MYO1B: variants seen among roughly 807,000 people sequenced by gnomAD.
MYO1B encodes myosin IB.
Under a neutral mutation model 159.7 loss-of-function variants are expected in MYO1B, and 72 were observed. That is an observed-to-expected ratio of 0.45 (90% confidence interval 0.37 to 0.55). The LOEUF (loss-of-function observed/expected upper bound fraction) is 0.55, where lower values mean the gene tolerates loss of function less well. Among genes scored for constraint, MYO1B ranks in the 20% least tolerant of loss-of-function variants. The pLI, the probability that MYO1B is intolerant of heterozygous loss-of-function variation, is 0.00. For synonymous variants in MYO1B, 468 were observed against 473.8 expected, an observed-to-expected ratio of 0.99 and a Z score of 0.16; for missense variants, 1,062 against 1,364.8, an observed-to-expected ratio of 0.78 and a Z score of 3.50.
intron 10 of MYO1B, 130 bp from the exon 11 acceptor site, chr2:191,364,028 G>GT: frequency 8.1e-7 from 1 of 1,232,014 alleles, no homozygotes; most frequent in South Asian, 1.2e-5. Context: ...GCTAAGCTTT[G>GT]TTTTTTGATG....
At chr2:191,296,635 C>T (rs933762051) in intron 3 of MYO1B, among the ~76,000 whole-genome samples, 1 of 152,148 alleles carries the variant, frequency 6.6e-6, no homozygotes, top group African/African-American at 2.4e-5. Context: ...AAGGACCAAA[C>T]AATACCTTCA....
rs1225798087 is a variant in MYO1B, at chr2:191,383,288, A to G, written c.1299A>G (p.Glu433=). ...EQEEYIREDI[E]WTHIDYFNNA... Reference sequence around the variant, plus strand: ...TCTGTTTTGTCTTTTAGGATATAGAATGGACTCACATTGACTACTTCAATA... The same window carrying G: ...TCTGTTTTGTCTTTTAGGATATAGAGTGGACTCACATTGACTACTTCAATA... Residue 433 remains glutamate (E), a synonymous_variant, in exon 15 of 31, where the codon GAA becomes GAG. Coordinates refer to ENST00000392318, the MANE Select transcript of MYO1B (RefSeq NM_001130158.3). The G allele has an allele frequency of 2.5e-6, 4 of 1,576,228 alleles. No individual in the cohort carries two copies. The highest frequency in any genetic ancestry group is 1.8e-5 in the Admixed American group (1 of 54,296).
At chr2:191,401,298 A>C (rs1696601648) in intron 23 of MYO1B, among the ~76,000 whole-genome samples, 1 of 152,132 alleles carries the variant, frequency 6.6e-6, no homozygotes, top group African/African-American at 2.4e-5. Context: ...ATTTTTTTTT[A>C]GGCTCAGTGT....
intron 3 of MYO1B, among the ~76,000 whole-genome samples, chr2:191,307,742 G>A (rs542488252): frequency 2.0e-4 from 30 of 152,238 alleles, no homozygotes; most frequent in African/African-American, 7.0e-4. Context: ...CACACGTTTG[G>A]GGGTTTCCAT....
At position 191,369,530 on chromosome 2, in the gene MYO1B, GTTTT is replaced by G. The variant is rs1378989332; in HGVS notation, c.1033-9_1033-6del. The G allele has an allele frequency of 6.2e-7, 1 of 1,605,562 alleles. No homozygotes were observed. Among genetic ancestry groups the G allele is most frequent in the Non-Finnish European group, 8.5e-7 (1 of 1,173,874 alleles). On this transcript the variant is annotated splice_region_variant and splice_polypyrimidine_tract_variant and intron_variant, in intron 11 of 30. Coordinates refer to ENST00000392318, the MANE Select transcript of MYO1B (RefSeq NM_001130158.3). Reference sequence around the variant, plus strand: ...TGTGGGTGTTAAGTTTTGTTTGTTTGTTTTTTAATAGGCTTATTATGCCCGTGAT... The same window carrying G: ...TGTGGGTGTTAAGTTTTGTTTGTTTGTTAATAGGCTTATTATGCCCGTGAT...
chr2:191,417,988 A>G (rs1440753637), intron 30 of MYO1B, among the ~76,000 whole-genome samples: 1 of 152,244 alleles, frequency 6.6e-6, no homozygotes, highest in Non-Finnish European at 1.5e-5. Flanking sequence ...TGGATGCCAT[A>G]AGCTTTCAGT....
intron 7 of MYO1B, among the ~76,000 whole-genome samples, chr2:191,350,899 C>T (rs1274872422): frequency 5.3e-5 from 8 of 151,906 alleles, no homozygotes; most frequent in Non-Finnish European, 7.4e-5. Context: ...GAGTGCCACA[C>T]GGGGTTTTCA....
intron 3 of MYO1B, among the ~76,000 whole-genome samples, chr2:191,312,359 C>A (rs1454147212): frequency 6.6e-6 from 1 of 152,164 alleles, no homozygotes; most frequent in African/African-American, 2.4e-5. Flanking sequence ...ATATTCAAAT[C>A]CTGCTCATCT....
At chr2:191,326,474 CAG>C (rs1421703226) in intron 3 of MYO1B, among the ~76,000 whole-genome samples, 3 of 151,978 alleles carry the variant, frequency 2.0e-5, no homozygotes, top group African/African-American at 7.3e-5. Flanking sequence ...ATGGGTATGC[CAG>C]TAGTTACAAG....
At chr2:191,322,762 T>G (rs763462741) in intron 3 of MYO1B, among the ~76,000 whole-genome samples, 2 of 152,110 alleles carry the variant, frequency 1.3e-5, no homozygotes, top group Non-Finnish European at 2.9e-5. Flanking sequence ...CTTGTCCAAT[T>G]ATGTGGGTGT....
chr2:191,321,535 G>A (rs895756803), intron 3 of MYO1B, among the ~76,000 whole-genome samples: 2 of 152,144 alleles, frequency 1.3e-5, no homozygotes, highest in African/African-American at 4.8e-5. Flanking sequence ...TAGTAAAAAT[G>A]CTTTAAGAGC....
At position 191,310,422 on chromosome 2, in the gene MYO1B, C is replaced by T. The variant is rs138228193; in HGVS notation, c.251+14196C>T. ...TTCACCATGTTGACCAGGCTGGTCT[C>T]GAACTCCTGACATCAAATGATCTGC... is the stretch of plus-strand genomic sequence containing the variant. On this transcript the variant is annotated intron_variant, in intron 3 of 30. Coordinates refer to ENST00000392318, the MANE Select transcript of MYO1B (RefSeq NM_001130158.3). Among the ~76,000 whole-genome samples the T allele has an allele frequency of 4.4e-3, 671 of 152,200 alleles. 5 individuals are homozygous for T. Among genetic ancestry groups the T allele is most frequent in the African/African-American group, 9.9e-3 (411 of 41,530 alleles).
In MYO1B at chr2:191,256,951, T is replaced by C. The variant is rs549292281; in HGVS notation, c.-10+11325T>C. On this transcript the variant is annotated intron_variant, in intron 1 of 30. Coordinates refer to ENST00000392318, the MANE Select transcript of MYO1B (RefSeq NM_001130158.3). ...TGAATCCCCCTTTTCTGTGAATTTT[T>C]TTTTTAATCTGTCATTATTTTCCCT... is the stretch of plus-strand genomic sequence containing the variant. Among the ~76,000 whole-genome samples the C allele has an allele frequency of 5.3e-4, 80 of 152,282 alleles. No homozygotes were observed. The South Asian group carries it at 0.012, about 22-fold the overall frequency.
intron 5 of MYO1B, among the ~76,000 whole-genome samples, chr2:191,344,747 G>A (rs536353960): frequency 2.9e-4 from 41 of 141,970 alleles, no homozygotes; most frequent in Non-Finnish European, 4.1e-4. Context: ...GGAGAATGGC[G>A]TGAACCCGGG....
chr2:191,348,885 T>G (rs2125980248), intron 6 of MYO1B, among the ~76,000 whole-genome samples: 1 of 152,332 alleles, frequency 6.6e-6, no homozygotes, highest in East Asian at 1.9e-4. Flanking sequence ...AAAGTAATCA[T>G]GTGCTCCAAC....
intron 3 of MYO1B, among the ~76,000 whole-genome samples, chr2:191,313,387 T>C (rs930817282): frequency 1.5e-5 from 2 of 134,812 alleles, no homozygotes; most frequent in African/African-American, 5.1e-5. Context: ...ATTTTTTGTC[T>C]TCGTTTTTGT....
chr2:191,279,843 C>T (rs1446838113), intron 2 of MYO1B, among the ~76,000 whole-genome samples: 1 of 152,138 alleles, frequency 6.6e-6, no homozygotes, highest in African/African-American at 2.4e-5. Flanking sequence ...GATGATCCAT[C>T]ATGTGAGCAT....
In MYO1B at chr2:191,352,832, G is replaced by T. The variant is rs1693009336; in HGVS notation, c.562+2607G>T. Among the ~76,000 whole-genome samples, 3 of 152,178 alleles carry T rather than the reference G, an allele frequency of 2.0e-5. No homozygotes were observed. In the South Asian group the frequency reaches 6.2e-4, roughly 32 times the overall value. The stretch of plus-strand genomic sequence containing the variant: ...TGGCAGAAGGGAGTTTAAAGCAATG[G>T]ATAAACCAACTGGTGTTCTCTCCAA... On this transcript the variant is annotated intron_variant, in intron 7 of 30. Coordinates refer to ENST00000392318, the MANE Select transcript of MYO1B (RefSeq NM_001130158.3).
chr2:191,388,009 CG>C (rs2126091438), intron 17 of MYO1B: 1 of 159,484 alleles, frequency 6.3e-6, no homozygotes, highest in South Asian at 1.8e-4. Flanking sequence ...AAGGGCTGGG[CG>C]TGGTGGCTCA....
Sources: allele counts gnomAD v4.1 joint callset (sites outside exome capture counted in the v4.1 genomes callset), GRCh38; gene constraint gnomAD v4.1.1; transcripts MANE v1.5; gene names NCBI Gene and HGNC (gene_info 2026-07-23, HGNC 2026-07-21).